The following HUNK variants were observed in gnomAD, a reference collection of about 807,000 sequenced individuals.
HUNK encodes hormonally up-regulated neu tumor-associated kinase.
Under a neutral mutation model 61.0 loss-of-function variants are expected in HUNK, and 21 were observed. The ratio of observed to expected loss-of-function variants is 0.34; its 90% CI spans 0.24 to 0.50. The LOEUF (loss-of-function observed/expected upper bound fraction) is 0.50, where lower values mean the gene tolerates loss of function less well. Ranked by LOEUF, HUNK falls within the 20% of genes least tolerant of loss-of-function variation. HUNK has a pLI of 0.98. For synonymous variants in HUNK, 371 were observed against 386.1 expected (o/e 0.96, Z 0.46); for missense variants, 772 against 945.7 (o/e 0.82, Z 2.41).
At chr21:31,916,627 G>A (rs2052584734) in intron 1 of HUNK, among the ~76,000 whole-genome samples, 1 of 151,806 alleles carries the variant, frequency 6.6e-6, no homozygotes, top group Non-Finnish European at 1.5e-5. Context: ...CTTTCGTGCA[G>A]GGCAAACTCT....
chr21:31,900,286 G>A (rs534073567), intron 1 of HUNK, among the ~76,000 whole-genome samples: 6 of 152,218 alleles, frequency 3.9e-5, no homozygotes, highest in African/African-American at 1.4e-4. Flanking sequence ...CCTGGAGCCT[G>A]CCCTCCTCTG....
intron 1 of HUNK, among the ~76,000 whole-genome samples, chr21:31,916,118 TC>T (rs966545773): frequency 4.5e-5 from 6 of 134,616 alleles, no homozygotes; most frequent in Admixed American, 2.6e-4. Context: ...CGGCGCGATC[TC>T]AGCTCACTGC....
chr21:31,916,558 T>C (rs1178027402), intron 1 of HUNK, among the ~76,000 whole-genome samples: 1 of 152,052 alleles, frequency 6.6e-6, no homozygotes, highest in Non-Finnish European at 1.5e-5. Flanking sequence ...TCCTGATGGG[T>C]TGGGATCCAC....
At chr21:31,940,693 C>G (rs938159890) in intron 3 of HUNK, among the ~76,000 whole-genome samples, 2 of 152,122 alleles carry the variant, frequency 1.3e-5, no homozygotes, top group African/African-American at 4.8e-5. Context: ...CTGAACCAAT[C>G]AGAAGGAAGC....
intron 1 of HUNK, among the ~76,000 whole-genome samples, chr21:31,913,039 A>G (rs989844177): frequency 2.6e-5 from 4 of 152,208 alleles, no homozygotes; most frequent in African/African-American, 9.6e-5. Context: ...TTTTCCACAC[A>G]TGCATTCATT....
chr21:31,962,920 G>T (rs1375427536), intron 5 of HUNK, among the ~76,000 whole-genome samples: 1 of 152,188 alleles, frequency 6.6e-6, no homozygotes, highest in Admixed American at 6.5e-5. Flanking sequence ...ACTCAGGATT[G>T]GGAATTGTCC....
intron 4 of HUNK, among the ~76,000 whole-genome samples, chr21:31,955,834 T>C (rs1044922867): frequency 2.0e-5 from 3 of 152,192 alleles, no homozygotes; most frequent in Admixed American, 6.5e-5. Context: ...AAAAATGATA[T>C]TGTATAAGTA....
intron 1 of HUNK, among the ~76,000 whole-genome samples, chr21:31,906,364 G>A (rs1371634619): frequency 1.3e-5 from 2 of 152,160 alleles, no homozygotes; most frequent in South Asian, 2.1e-4. Context: ...AATCTCATAT[G>A]CACTTTGCAG....
chr21:31,995,923 C>T lies in HUNK; in HGVS notation c.1461C>T (p.Ala487=). 6.2e-7 allele frequency: 1 copy of T among 1,613,660 alleles called. No individual in the cohort carries two copies. Among genetic ancestry groups the T allele is most frequent in the East Asian group, 2.2e-5 (1 of 44,870 alleles). ...NTKALLKDRK[A]SKSSFPDKDS... is the part of the protein sequence containing the mutation. ...AAGCCCTCCTGAAGGACCGGAAGGC[C>T]TCCAAGTCCAGCTTCCCCGACAAAG... is the stretch of plus-strand genomic sequence containing the variant. Residue 487 remains alanine, a synonymous_variant, in exon 10 of 11, where the codon GCC becomes GCT. Transcript: ENST00000270112.
At chr21:31,970,860 T>C (rs1471689869) in intron 6 of HUNK, among the ~76,000 whole-genome samples, 4 of 152,062 alleles carry the variant, frequency 2.6e-5, no homozygotes, top group Non-Finnish European at 5.9e-5. Flanking sequence ...GCCAGATTAT[T>C]GTAATGGTTT....
rs961759728 is a variant in HUNK, at chr21:32,000,106, A to T, written c.*922A>T. On this transcript the variant is annotated 3_prime_UTR_variant, in exon 11 of 11. Coordinates refer to ENST00000270112, the MANE Select transcript of HUNK (RefSeq NM_014586.2). ...AAGGCATAGCCCTGATCCTTCTGGA[A>T]GGCATAGAACACGGTTACAGCTGGT... 3 of 398,488 alleles carry T rather than the reference A, an allele frequency of 7.5e-6. No individual in the cohort carries two copies. The highest frequency in any genetic ancestry group is 1.3e-5 in the Non-Finnish European group (3 of 226,072). 24.7% of individuals were successfully genotyped at this position (398,488 alleles called of 1,614,324 possible).
At chr21:31,900,647 A>G (rs1162096041) in intron 1 of HUNK, among the ~76,000 whole-genome samples, 1 of 152,162 alleles carries the variant, frequency 6.6e-6, no homozygotes, top group African/African-American at 2.4e-5. Flanking sequence ...TCTACTACAG[A>G]GCCCTGCGCG....
chr21:31,910,781 G>A (rs1308629560), intron 1 of HUNK, among the ~76,000 whole-genome samples: 1 of 152,146 alleles, frequency 6.6e-6, no homozygotes, highest in Non-Finnish European at 1.5e-5. Flanking sequence ...TCTGATACCA[G>A]AGTCCAAGGA....
chr21:31,946,530 C>G (rs913350102), intron 4 of HUNK, among the ~76,000 whole-genome samples: 1 of 152,140 alleles, frequency 6.6e-6, no homozygotes, highest in African/African-American at 2.4e-5. Context: ...GTGCTCCTTG[C>G]GGGACTTGCT....
chr21:31,949,976 G>A (rs746109148), intron 4 of HUNK, among the ~76,000 whole-genome samples: 1 of 152,116 alleles, frequency 6.6e-6, no homozygotes, highest in South Asian at 2.1e-4. Flanking sequence ...GGAAACTGAG[G>A]CATGAAAGAC....
intron 1 of HUNK, among the ~76,000 whole-genome samples, chr21:31,909,566 A>T (rs903665771): frequency 7.2e-5 from 11 of 152,312 alleles, no homozygotes; most frequent in African/African-American, 2.6e-4. Context: ...TTCCCTCAAC[A>T]AAAAGGCGAA....
intron 1 of HUNK, among the ~76,000 whole-genome samples, chr21:31,905,917 C>T (rs542695841): frequency 2.0e-5 from 3 of 152,156 alleles, no homozygotes; most frequent in East Asian, 1.9e-4. Flanking sequence ...GGGTCACTAG[C>T]GGGCCTGGGG....
chr21:31,881,965 A>G (rs1218387943), intron 1 of HUNK, among the ~76,000 whole-genome samples: 1 of 152,076 alleles, frequency 6.6e-6, no homozygotes, highest in Non-Finnish European at 1.5e-5. Flanking sequence ...TGTATGCTCT[A>G]TGGGTTTTTT....
intron 2 of HUNK, among the ~76,000 whole-genome samples, chr21:31,932,770 C>A (rs567242478): frequency 6.6e-6 from 1 of 152,200 alleles, no homozygotes; most frequent in South Asian, 2.1e-4. Context: ...CTCTTCTCTG[C>A]TGAGCTCCCT....
Sources: gnomAD v4.1 joint callset for allele counts (sites outside exome capture counted in the v4.1 genomes callset) on GRCh38, gnomAD v4.1.1 for gene constraint, MANE v1.5 for transcripts, NCBI Gene and HGNC (gene_info 2026-07-23, HGNC 2026-07-21) for gene names.